CDH13: variants seen among roughly 807,000 people sequenced by gnomAD.
The protein encoded by CDH13 is cadherin-13.
Under a neutral mutation model 63.8 loss-of-function variants are expected in CDH13, and 24 were observed. The observed-to-expected ratio is 0.38, with a 90% CI of 0.27 to 0.53. The LOEUF (loss-of-function observed/expected upper bound fraction) is 0.53. Among genes scored for constraint, CDH13 ranks in the 20% least tolerant of loss-of-function variants. CDH13 has a pLI of 0.85. For synonymous variants in CDH13, 503 were observed against 355.3 expected, an observed-to-expected ratio of 1.42 and a Z score of -4.67; for missense variants, 1,049 against 903.1, an observed-to-expected ratio of 1.16 and a Z score of -2.07.
At chr16:82,881,740 C>A (rs1481231496) in intron 2 of CDH13, among the ~76,000 whole-genome samples, 1 of 152,150 alleles carries the variant, frequency 6.6e-6, no homozygotes, top group Non-Finnish European at 1.5e-5. Flanking sequence ...GACAGACACC[C>A]ACATTCCTAG....
intron 4 of CDH13, among the ~76,000 whole-genome samples, chr16:83,202,082 C>T (rs1567502543): frequency 6.6e-6 from 1 of 152,154 alleles, no homozygotes; most frequent in Non-Finnish European, 1.5e-5. Context: ...GCTAATGGCC[C>T]CATAGTGTCC....
At chr16:82,723,358 T>C (rs531760149) in intron 1 of CDH13, among the ~76,000 whole-genome samples, 2 of 152,230 alleles carry the variant, frequency 1.3e-5, no homozygotes, top group Non-Finnish European at 2.9e-5. Flanking sequence ...TTGTGGGGAC[T>C]GGCTAGTTAT....
In CDH13 at chr16:83,681,179, C is replaced by T. The variant is rs145835463; in HGVS notation, c.1538+2718C>T. Among the ~76,000 whole-genome samples the T allele has an allele frequency of 1.3e-4, 20 of 152,082 alleles. No homozygotes were observed. In the East Asian group the frequency reaches 2.5e-3, roughly 19 times the overall value. On this transcript the variant is annotated intron_variant, in intron 10 of 13. Coordinates refer to ENST00000567109, the MANE Select transcript of CDH13 (RefSeq NM_001257.5). ...ACCCAGCTGTGAGGGCCTGCAGGGGCGGCTACCCGAGGAAGTGCGGGAGGC... is the reference window on the plus strand; with the variant it reads ...ACCCAGCTGTGAGGGCCTGCAGGGGTGGCTACCCGAGGAAGTGCGGGAGGC...
At chr16:82,959,728 A>C (rs904725294) in intron 2 of CDH13, among the ~76,000 whole-genome samples, 8 of 152,356 alleles carry the variant, frequency 5.3e-5, no homozygotes, top group East Asian at 1.9e-4. Flanking sequence ...ATATAAGTTT[A>C]TAAGTTCCTT....
intron 4 of CDH13, among the ~76,000 whole-genome samples, chr16:83,216,443 T>TATATATATATATATATATATAC (rs1472700247): frequency 4.3e-5 from 4 of 93,422 alleles, no homozygotes; most frequent in African/African-American, 7.9e-5. Context: ...TATATATATA[T>TATATATATATATATATATATAC]ACACAACCCT....
At chr16:83,769,320 G>C (rs1914608241) in intron 11 of CDH13, among the ~76,000 whole-genome samples, 2 of 152,162 alleles carry the variant, frequency 1.3e-5, no homozygotes, top group Non-Finnish European at 2.9e-5. Context: ...TAATGTCAGA[G>C]ATCCTATCTA....
chr16:83,570,852 AAATATAAATATATTT>A (rs1483387490), intron 7 of CDH13, among the ~76,000 whole-genome samples: 3 of 139,450 alleles, frequency 2.2e-5, no homozygotes, highest in Non-Finnish European at 4.6e-5. Context: ...TTATATATAT[AAATATAAATATATTT>A]ATATATTTAT....
chr16:83,503,176 A>C (rs2074322807), intron 7 of CDH13, among the ~76,000 whole-genome samples: 1 of 152,222 alleles, frequency 6.6e-6, no homozygotes, highest in African/African-American at 2.4e-5. Flanking sequence ...TGAATCGCTC[A>C]CGTAGATTCA....
intron 2 of CDH13, among the ~76,000 whole-genome samples, chr16:82,912,814 G>A (rs373899236): frequency 2.0e-5 from 3 of 152,174 alleles, no homozygotes; most frequent in South Asian, 4.2e-4. Context: ...GTGGTGGCGG[G>A]CACCTGTAGT....
rs998876737 is a variant in CDH13 at position 83,797,293 on chromosome 16, G to A, written c.*2263G>A. The A allele has an allele frequency of 2.0e-5, 3 of 152,216 alleles. No homozygotes were observed. Among genetic ancestry groups the A allele is most frequent in the East Asian group, 1.9e-4 (1 of 5,196 alleles). The allele number at this position is 152,216 out of a possible 1,614,324, so 9.4% of individuals were successfully genotyped here. A position where few individuals can be genotyped will look rare whatever the true frequency, so the allele number is the denominator to read the frequency against. On this transcript the variant is annotated 3_prime_UTR_variant, in exon 14 of 14. Transcript: ENST00000567109. Reference sequence around the variant, plus strand: ...AGCAGCTGAGTGGCCATTCACTCAAGGAAACAAATACAGCATGACTCCTTT... The same window carrying A: ...AGCAGCTGAGTGGCCATTCACTCAAAGAAACAAATACAGCATGACTCCTTT...
chr16:83,166,570 C>A (rs545184317), intron 4 of CDH13, among the ~76,000 whole-genome samples: 2 of 152,182 alleles, frequency 1.3e-5, no homozygotes, highest in South Asian at 4.2e-4. Context: ...CATTGACATG[C>A]CATTTGATTA....
At chr16:83,512,689 A>G (rs963728755) in intron 7 of CDH13, among the ~76,000 whole-genome samples, 2 of 150,764 alleles carry the variant, frequency 1.3e-5, no homozygotes, top group African/African-American at 2.4e-5. Context: ...TAATAATATA[A>G]TAATAATAAT....
chr16:83,630,821 A>G (rs1317964505), intron 8 of CDH13, among the ~76,000 whole-genome samples: 1 of 152,032 alleles, frequency 6.6e-6, no homozygotes, highest in Non-Finnish European at 1.5e-5. Flanking sequence ...TGAGGGAGAT[A>G]TTTTCTATAT....
At chr16:83,138,677 AAGTGTTATACATTGGGGAATCACACGATC>A (rs1486032542) in intron 4 of CDH13, among the ~76,000 whole-genome samples, 1 of 152,208 alleles carries the variant, frequency 6.6e-6, no homozygotes, top group African/African-American at 2.4e-5. Context: ...ACGGATGACT[AAGTGTTATACATTGGGGAATCACACGATC>A]AGATTTGCAT....
At chr16:83,507,162 A>G (rs912824779) in intron 7 of CDH13, among the ~76,000 whole-genome samples, 1 of 152,064 alleles carries the variant, frequency 6.6e-6, no homozygotes, top group Non-Finnish European at 1.5e-5. Flanking sequence ...TCTTTGCATG[A>G]CTCAATCCCT....
intron 9 of CDH13, among the ~76,000 whole-genome samples, chr16:83,677,934 C>G (rs114038170): frequency 6.6e-6 from 1 of 152,058 alleles, no homozygotes; most frequent in Non-Finnish European, 1.5e-5. Flanking sequence ...ACTCAGTGTC[C>G]GGATCACTAA....
intron 4 of CDH13, among the ~76,000 whole-genome samples, chr16:83,176,151 C>CA (rs1354267005): frequency 1.3e-5 from 2 of 151,584 alleles, no homozygotes; most frequent in African/African-American, 2.4e-5. Context: ...TTCCCGGCCT[C>CA]AACCTACTTT....
At chr16:83,437,666 G>C (rs916392654) in intron 6 of CDH13, among the ~76,000 whole-genome samples, 4 of 151,932 alleles carry the variant, frequency 2.6e-5, no homozygotes, top group Admixed American at 2.6e-4. Flanking sequence ...GACAGAGCAA[G>C]ATCCTGTTCC....
intron 1 of CDH13, among the ~76,000 whole-genome samples, chr16:82,798,630 T>C (rs1231967890): frequency 1.3e-5 from 2 of 152,036 alleles, no homozygotes; most frequent in Non-Finnish European, 2.9e-5. Context: ...CATTCTAGGA[T>C]AGGGGTTACA....
Sources: allele counts gnomAD v4.1 joint callset (sites outside exome capture counted in the v4.1 genomes callset), GRCh38; gene constraint gnomAD v4.1.1; transcripts MANE v1.5; gene names NCBI Gene and HGNC (gene_info 2026-07-23, HGNC 2026-07-21).